The following GRB10 variants were observed in gnomAD, a reference collection of about 807,000 sequenced individuals.
GRB10 encodes growth factor receptor bound protein 10.
Under a neutral mutation model 80.9 loss-of-function variants are expected in GRB10, and 20 were observed. The observed-to-expected ratio is 0.25, with a 90% CI of 0.17 to 0.36. GRB10 has a LOEUF of 0.36. GRB10 is among the 10% of genes least tolerant of loss of function. GRB10 has a pLI of 1.00. For synonymous variants in GRB10, 291 were observed against 291.5 expected, an observed-to-expected ratio of 1.00 and a Z score of 0.02; for missense variants, 548 against 747.7, an observed-to-expected ratio of 0.73 and a Z score of 3.12.
At chr7:50,661,756 T>A (rs1006002408) in intron 7 of GRB10, among the ~76,000 whole-genome samples, 1 of 152,144 alleles carries the variant, frequency 6.6e-6, no homozygotes, top group South Asian at 2.1e-4. Context: ...GCGCCCCACA[T>A]GTTGCCTCAG....
chr7:50,685,772 C>T (rs553583338), intron 5 of GRB10, among the ~76,000 whole-genome samples: 2 of 152,222 alleles, frequency 1.3e-5, no homozygotes, highest in African/African-American at 2.4e-5. Flanking sequence ...TCTAAGGCAT[C>T]AGGATGAGAA....
intron 14 of GRB10, among the ~76,000 whole-genome samples, chr7:50,605,708 C>T (rs565854183): frequency 6.6e-6 from 1 of 152,176 alleles, no homozygotes; most frequent in Non-Finnish European, 1.5e-5. Flanking sequence ...TCCTGACCTG[C>T]ACTCCAACAC....
At chr7:50,740,019 G>A (rs1042465722) in intron 3 of GRB10, among the ~76,000 whole-genome samples, 3 of 152,212 alleles carry the variant, frequency 2.0e-5, no homozygotes, top group African/African-American at 7.2e-5. Context: ...TGAGGCTGGA[G>A]GGAAAGTCAT....
chr7:50,662,526 A>G (rs2059384687), intron 7 of GRB10, among the ~76,000 whole-genome samples: 1 of 152,188 alleles, frequency 6.6e-6, no homozygotes, highest in African/African-American at 2.4e-5. Flanking sequence ...CTCCAAACTC[A>G]GCAGAGTGCT....
intron 4 of GRB10, among the ~76,000 whole-genome samples, chr7:50,715,129 A>G (rs2066645605): frequency 6.6e-6 from 1 of 151,806 alleles, no homozygotes; most frequent in African/African-American, 2.4e-5. Context: ...ATGGCAGCCA[A>G]TGCCAAGAAG....
chr7:50,603,933 A>T lies in GRB10; in HGVS notation c.1544+65T>A, dbSNP rs2048067173. ...AGCAAGGATGTCTGAGGAATTAAAC[A>T]GAACAGATCCCCAGCACAATAAAAC... On this transcript the variant is annotated intron_variant, in intron 17 of 18. Transcript: ENST00000401949. The T allele has an allele frequency of 5.5e-6, 7 of 1,271,984 alleles. No individual in the cohort carries two copies. The South Asian group carries it at 7.1e-5, about 13-fold the overall frequency. 78.8% of individuals were successfully genotyped at this position (1,271,984 alleles called of 1,614,324 possible).
At chr7:50,605,204 T>C (rs903961575) in intron 15 of GRB10, 86 bp downstream of exon 15, 10 of 1,025,996 alleles carry the variant, frequency 9.7e-6, no homozygotes, top group African/African-American at 6.2e-5. Context: ...CCAACCCGCA[T>C]AGAGCTGTTC....
chr7:50,627,404 T>A (rs2053119810), intron 7 of GRB10, among the ~76,000 whole-genome samples: 1 of 152,166 alleles, frequency 6.6e-6, no homozygotes, highest in Non-Finnish European at 1.5e-5. Context: ...CTTCCCATCA[T>A]AACCTTTGAC....
chr7:50,654,986 T>A, intron 7 of GRB10, among the ~76,000 whole-genome samples: 1 of 152,340 alleles, frequency 6.6e-6, no homozygotes, highest in African/African-American at 2.4e-5. Flanking sequence ...AAAAACAATG[T>A]TGTTCTTGGT....
chr7:50,616,441 TAA>T (rs2050656867), intron 10 of GRB10, 94 bp from the exon 11 acceptor site: 2 of 1,184,596 alleles, frequency 1.7e-6, no homozygotes, highest in Admixed American at 2.0e-5. Context: ...TCTGAATTAT[TAA>T]AAGACTCCTT....
intron 7 of GRB10, 123 bp downstream of exon 7, chr7:50,669,599 A>G: frequency 1.1e-6 from 1 of 924,796 alleles, no homozygotes; most frequent in Non-Finnish European, 1.7e-6. Flanking sequence ...CAAGAAAAGA[A>G]CTGAGAGAGA....
chr7:50,726,771 A>G (rs1024911320), intron 4 of GRB10: 12 of 152,232 alleles, frequency 7.9e-5, no homozygotes, highest in East Asian at 3.8e-4. Flanking sequence ...AAGAAATTCA[A>G]TAAGTCCAAA....
intron 17 of GRB10, among the ~76,000 whole-genome samples, chr7:50,597,713 C>A (rs943451097): frequency 1.3e-5 from 2 of 152,174 alleles, no homozygotes; most frequent in Admixed American, 6.5e-5. Context: ...ATAGGGAATG[C>A]CTGAAGGTTG....
chr7:50,770,145 A>C (rs1334867430), intron 2 of GRB10, among the ~76,000 whole-genome samples: 2 of 152,242 alleles, frequency 1.3e-5, no homozygotes, highest in Non-Finnish European at 1.5e-5. Context: ...CTCTAGACTC[A>C]GGCGACTGAA....
intron 7 of GRB10, among the ~76,000 whole-genome samples, chr7:50,631,428 T>C (rs17544866): frequency 0.09 from 13,768 of 152,176 alleles, 895 homozygotes; most frequent in Non-Finnish European, 0.11. Context: ...CCGAGACATC[T>C]GAGGGCTTCT....
intron 8 of GRB10, 108 bp downstream of exon 8, chr7:50,626,714 T>C: frequency 7.8e-7 from 1 of 1,287,284 alleles, no homozygotes; most frequent in Non-Finnish European, 1.1e-6. Flanking sequence ...TGCCTGCTAA[T>C]TTCGCAGGGG....
intron 3 of GRB10, among the ~76,000 whole-genome samples, chr7:50,750,576 G>A (rs1381910195): frequency 6.6e-6 from 1 of 152,290 alleles, no homozygotes. Context: ...AGAAGTGCTA[G>A]GGAACGCAGT....
At chr7:50,752,972 C>T (rs999437657) in intron 3 of GRB10, among the ~76,000 whole-genome samples, 15 of 152,180 alleles carry the variant, frequency 9.9e-5, no homozygotes, top group African/African-American at 3.6e-4. Flanking sequence ...AAACTGAGAC[C>T]ATTGGGACCA....
intron 5 of GRB10, among the ~76,000 whole-genome samples, chr7:50,702,786 T>C (rs1264876358): frequency 1.3e-5 from 2 of 152,256 alleles, no homozygotes; most frequent in South Asian, 2.1e-4. Flanking sequence ...TATTTGAGTG[T>C]ACAATTTAAA....
Sources: gnomAD v4.1 joint callset for allele counts (sites outside exome capture counted in the v4.1 genomes callset) on GRCh38, gnomAD v4.1.1 for gene constraint, MANE v1.5 for transcripts, NCBI Gene and HGNC (gene_info 2026-07-23, HGNC 2026-07-21) for gene names.